The following MYO18A variants were observed in gnomAD, a reference collection of about 807,000 sequenced individuals.
MYO18A encodes the protein myosin XVIIIA, also known as unconventional myosin-XVIIIa.
In MYO18A, 78 loss-of-function variants were observed where a neutral mutation model predicts 235.8. The ratio of observed to expected loss-of-function variants is 0.33; its 90% CI spans 0.28 to 0.40. The LOEUF is 0.40. Among genes scored for constraint, MYO18A ranks in the 10% least tolerant of loss-of-function variants. The pLI, the probability that MYO18A is intolerant of heterozygous loss-of-function variation, is 1.00. For missense variants in MYO18A, 2,215 were observed against 2,699.3 expected (o/e 0.82, Z 3.98); for synonymous variants, 977 against 1,077.8 (o/e 0.91, Z 1.83).
Position 29,074,118 on chromosome 17 carries a change from C to T in MYO18A, c.*652G>A, listed in dbSNP as rs1200194529. The T allele has an allele frequency of 1.2e-5, 20 of 1,613,916 alleles. No homozygotes were observed. Among genetic ancestry groups the T allele is most frequent in the Admixed American group, 1.7e-5 (1 of 59,988 alleles). ...CCCCTCCGCACCTCATTCTTAAGAACCTGGACCCGGCTCTCCTCACCAGCG... is the reference window on the plus strand; with the variant it reads ...CCCCTCCGCACCTCATTCTTAAGAATCTGGACCCGGCTCTCCTCACCAGCG... On this transcript the variant is annotated 3_prime_UTR_variant, in exon 42 of 42. Coordinates refer to ENST00000527372, the MANE Select transcript of MYO18A (RefSeq NM_078471.4). This position sits in a 1 kb window ranked among gnomAD's most constrained non-coding sequence, Gnocchi z 4.4.
intron 2 of MYO18A, chr17:29,134,024 T>C (rs2067536788): frequency 5.6e-6 from 2 of 357,048 alleles, no homozygotes; most frequent in South Asian, 2.3e-5. Flanking sequence ...AGGAATAAAA[T>C]ATTAAAGGAA....
At chr17:29,154,121 T>TGTGTGTGTGTGCGCGCGCGCGC (rs142430455) in intron 2 of MYO18A, among the ~76,000 whole-genome samples, 3 of 149,000 alleles carry the variant, frequency 2.0e-5, no homozygotes, top group East Asian at 4.0e-4. Context: ...TGTGTGTGTG[T>TGTGTGTGTGTGCGCGCGCGCGC]GCGCGCGCGT....
chr17:29,152,999 A>G (rs1598383406), intron 2 of MYO18A, among the ~76,000 whole-genome samples: 1 of 152,284 alleles, frequency 6.6e-6, no homozygotes, highest in African/African-American at 2.4e-5. Flanking sequence ...ACAGGTGTGA[A>G]CCACCATGCC....
chr17:29,142,247 T>C, intron 2 of MYO18A, among the ~76,000 whole-genome samples: 1 of 152,240 alleles, frequency 6.6e-6, no homozygotes, highest in East Asian at 1.9e-4. Context: ...CTGGGATTTT[T>C]TATTGATAAA....
At chr17:29,146,024 G>C (rs1293142682) in intron 2 of MYO18A, among the ~76,000 whole-genome samples, 1 of 152,216 alleles carries the variant, frequency 6.6e-6, no homozygotes, top group Non-Finnish European at 1.5e-5. Flanking sequence ...TTGGGAGGCC[G>C]AGGTGGGCGG....
intron 2 of MYO18A, chr17:29,127,849 T>C: frequency 1.0e-6 from 1 of 988,268 alleles, no homozygotes. Flanking sequence ...CACACTCTTG[T>C]ACCTCCTGCT....
intron 1 of MYO18A, among the ~76,000 whole-genome samples, chr17:29,171,891 T>C (rs1399453142): frequency 1.4e-5 from 2 of 144,006 alleles, no homozygotes; most frequent in Non-Finnish European, 3.0e-5. Context: ...AGACCCTGTC[T>C]CAAAAGAAAG....
At position 29,166,410 on chromosome 17, in the gene MYO18A, C is replaced by T; in HGVS notation, c.531G>A (p.Val177=). Residue 177 remains valine, a synonymous_variant, in exon 2 of 42, where the codon GTG becomes GTA. Coordinates refer to ENST00000527372, the MANE Select transcript of MYO18A (RefSeq NM_078471.4). ...GAGGGATGCCTGGGCCAGGATGCTGCACCAGCTGTCCCTCTAGAGTCCTCA... is the reference window on the plus strand; with the variant it reads ...GAGGGATGCCTGGGCCAGGATGCTGTACCAGCTGTCCCTCTAGAGTCCTCA... ...VEVRTLEGQL[V]QHPGPGIPRP... is the part of the protein sequence containing the mutation. 4 of 1,613,856 alleles carry T rather than the reference C, an allele frequency of 2.5e-6. No homozygotes were observed. The highest frequency in any genetic ancestry group is 3.4e-6 in the Non-Finnish European group (4 of 1,179,888).
chr17:29,079,944 T>C (rs1057330103), intron 41 of MYO18A: 1 of 985,942 alleles, frequency 1.0e-6, no homozygotes, highest in Non-Finnish European at 1.2e-6. Context: ...CCGTTCTCTT[T>C]CTTCTCGACT....
chr17:29,093,589 T>G lies in MYO18A; in HGVS notation c.4822-162A>C, dbSNP rs554649247. The stretch of plus-strand genomic sequence containing the variant: ...AACCTAAATTCCAGGTTTCTAGGGT[T>G]TCAAAGCAGCCTGGGAGGGTGAGGA... On this transcript the variant is annotated intron_variant, in intron 31 of 41. Coordinates refer to ENST00000527372, the MANE Select transcript of MYO18A (RefSeq NM_078471.4). 3.3e-5 allele frequency among the ~76,000 whole-genome samples: 5 copies of G among 151,988 alleles called. 1 individual carries two copies. The East Asian group carries it at 9.8e-4, about 30-fold the overall frequency.
chr17:29,139,653 G>C (rs1256067613), intron 2 of MYO18A, among the ~76,000 whole-genome samples: 1 of 152,286 alleles, frequency 6.6e-6, no homozygotes. Context: ...GGAAGGACTG[G>C]GAGCAGCTAT....
chr17:29,115,246 G>T (rs1175400215), intron 13 of MYO18A, 105 bp downstream of exon 13: 9 of 1,444,472 alleles, frequency 6.2e-6, no homozygotes, highest in Non-Finnish European at 8.6e-6. Context: ...GGGACAGGGA[G>T]CCCCTGCTGG....
intron 2 of MYO18A, among the ~76,000 whole-genome samples, chr17:29,157,940 T>C (rs889802386): frequency 6.6e-6 from 1 of 152,168 alleles, no homozygotes; most frequent in African/African-American, 2.4e-5. Flanking sequence ...ACTACAGGTG[T>C]GCATTACCAC....
At chr17:29,075,065 A>C in intron 41 of MYO18A, 151 bp from the exon 42 acceptor site, 2 of 851,332 alleles carry the variant, frequency 2.3e-6, no homozygotes, top group South Asian at 3.9e-5. Context: ...CTTACTTAGA[A>C]GATACTCAAA....
chr17:29,093,993 G>A lies in MYO18A; in HGVS notation c.4808C>T (p.Ser1603Leu), dbSNP rs775010411. 2.1e-5 allele frequency: 33 copies of A among 1,608,784 alleles called. No individual in the cohort carries two copies. The highest frequency in any genetic ancestry group is 8.4e-5 in the Admixed American group (5 of 59,422). ...CAGATACCTTACCTTCTTCTGACAC[G>A]ACTGCCGGGCCTCCTCCACCTCCTC... ...RDEEVEEARQ[S>L]CQKKLKQMEV... Residue 1603 changes from serine to leucine, a missense_variant, in exon 31 of 42, where the codon TCG (serine) becomes TTG (leucine). Coordinates refer to ENST00000527372, the MANE Select transcript of MYO18A (RefSeq NM_078471.4).
chr17:29,115,889 C>T, intron 11 of MYO18A, 49 bp from the exon 12 acceptor site: 1 of 1,539,308 alleles, frequency 6.5e-7, no homozygotes, highest in Non-Finnish European at 8.8e-7. Flanking sequence ...TTTCCTTAGG[C>T]CAGCTGATGA....
intron 2 of MYO18A, among the ~76,000 whole-genome samples, chr17:29,135,182 C>A (rs771935177): frequency 8.6e-5 from 13 of 151,916 alleles, no homozygotes; most frequent in Non-Finnish European, 1.6e-4. Context: ...CTCACTGCAA[C>A]CTCCGCCTCC....
intron 30 of MYO18A, 105 bp downstream of exon 30, chr17:29,094,545 C>T (rs541534324): frequency 1.9e-5 from 22 of 1,169,186 alleles, no homozygotes; most frequent in South Asian, 5.4e-5. Context: ...AGTGAATACG[C>T]GAATGAATGG....
chr17:29,149,537 G>A (rs1265408375), intron 2 of MYO18A, among the ~76,000 whole-genome samples: 1 of 152,220 alleles, frequency 6.6e-6, no homozygotes, highest in Non-Finnish European at 1.5e-5. Flanking sequence ...TTTGCTCAGA[G>A]CCATGTGCCA....
Sources: gnomAD v4.1 joint callset for allele counts (sites outside exome capture counted in the v4.1 genomes callset) on GRCh38, gnomAD v4.1.1 for gene constraint, Gnocchi (gnomAD v3.1) non-coding constraint, MANE v1.5 for transcripts, NCBI Gene and HGNC (gene_info 2026-07-23, HGNC 2026-07-21) for gene names.